Variants in PKD1L3 observed in about 807,000 individuals in gnomAD.
PKD1L3 encodes the protein polycystin 1 like 3, transient receptor potential channel interacting.
PKD1L3 carries 239 observed loss-of-function variants against 184.1 expected under a neutral mutation model. The ratio of observed to expected loss-of-function variants is 1.30; its 90% confidence interval spans 1.17 to 1.45. The LOEUF (loss-of-function observed/expected upper bound fraction) is 1.45, where lower values mean the gene tolerates loss of function less well. Among genes scored for constraint, PKD1L3 ranks in the 40% most tolerant of loss-of-function variants. The probability of loss-of-function intolerance (pLI) is 0.00; values close to 1 mark genes in which losing one functional copy is unlikely to be tolerated. For missense variants in PKD1L3, 2,660 were observed against 2,067.2 expected (o/e 1.29, Z -5.56); for synonymous variants, 996 against 778.8 (o/e 1.28, Z -4.64).
In PKD1L3 at chr16:71,955,196, G is replaced by C. The variant is rs181079289; in HGVS notation, c.2613-895C>G. Among the ~76,000 whole-genome samples the C allele has an allele frequency of 4.3e-4, 66 of 152,196 alleles. No individual in the cohort carries two copies. The East Asian group carries it at 5.6e-3, about 13-fold the overall frequency. On this transcript the variant is annotated intron_variant, in intron 16 of 29. Transcript: ENST00000620267. ...CCAGTTCTAGACTGGAGATGTGAAGGGTTGGAATGAAAACAGTAGCAAAAC... is the reference window on the plus strand; with the variant it reads ...CCAGTTCTAGACTGGAGATGTGAAGCGTTGGAATGAAAACAGTAGCAAAAC...
intron 1 of PKD1L3, among the ~76,000 whole-genome samples, chr16:71,999,435 T>G (rs1398744501): frequency 6.6e-6 from 1 of 152,168 alleles, no homozygotes; most frequent in Non-Finnish European, 1.5e-5. Flanking sequence ...GTAGCATAAT[T>G]CTTTTAGTGA....
chr16:71,999,613 C>CT (rs58914191), intron 1 of PKD1L3, 71 bp downstream of exon 1: 62,178 of 1,150,464 alleles, frequency 0.054, 528 homozygotes, highest in East Asian at 0.06. Context: ...TTAAGATTTT[C>CT]TTTTTTTTTT....
chr16:71,946,950 T>C (rs1463320758), intron 22 of PKD1L3, among the ~76,000 whole-genome samples: 1 of 97,334 alleles, frequency 1.0e-5, no homozygotes, highest in Non-Finnish European at 2.1e-5. Context: ...GAGAGAGAGA[T>C]GAAAAAGATC....
chr16:71,934,024 C>T lies in PKD1L3; in HGVS notation c.4715G>A (p.Arg1572His), dbSNP rs17358402. 373,851 of 1,551,614 alleles carry T rather than the reference C, an allele frequency of 0.24. 48,053 individuals carry two copies. Among genetic ancestry groups the T allele is most frequent in the Middle Eastern group, 0.29 (1,734 of 5,996 alleles). Residue 1572 changes from arginine to histidine, a missense_variant, in exon 27 of 30, where the codon CGT (arginine) becomes CAT (histidine). By Grantham distance (29) the Arg-to-His change is conservative. Coordinates refer to ENST00000620267, the MANE Select transcript of PKD1L3 (RefSeq NM_181536.2). ...GATGACCCGCAGCCTGGGGCTATGACGCAGCAGGTTCCATAACTGAACAGT... is the reference window on the plus strand; with the variant it reads ...GATGACCCGCAGCCTGGGGCTATGATGCAGCAGGTTCCATAACTGAACAGT... ...LATVQLWNLL[R>H]HSPRLRVISR... is the part of the protein sequence containing the mutation.
At position 71,952,888 on chromosome 16, in the gene PKD1L3, T is replaced by C; in HGVS notation, c.3009+6A>G. 1 of 1,535,770 alleles carries C rather than the reference T, an allele frequency of 6.5e-7. No homozygotes were observed. The highest frequency in any genetic ancestry group is 8.8e-7 in the Non-Finnish European group (1 of 1,142,032). ...AAGATAAAATAAAATTTGATACCAA[T>C]CTTACCTCAACTACCATTGTGGCAG... On this transcript the variant is annotated splice_donor_region_variant and intron_variant, in intron 18 of 29. Coordinates refer to ENST00000620267, the MANE Select transcript of PKD1L3 (RefSeq NM_181536.2).
rs572528178 is a variant in PKD1L3 at position 71,951,021 on chromosome 16, G to A, written c.3190+543C>T. ...GCCTCCCAAAATGCTGGGATTACAG[G>A]CGTGAGCCACCCTGCCCGACCTGTG... On this transcript the variant is annotated intron_variant, in intron 19 of 29. Transcript: ENST00000620267. Among the ~76,000 whole-genome samples, 8 of 151,972 alleles carry A rather than the reference G, an allele frequency of 5.3e-5. No individual in the cohort carries two copies. In the South Asian group the frequency reaches 1.7e-3, roughly 32 times the overall value.
intron 22 of PKD1L3, 120 bp from the exon 23 acceptor site, chr16:71,944,290 C>G: frequency 1.1e-6 from 1 of 951,062 alleles, no homozygotes; most frequent in Non-Finnish European, 1.6e-6. Flanking sequence ...AATAAAACTA[C>G]CTATGCAGTG....
intron 2 of PKD1L3, among the ~76,000 whole-genome samples, chr16:71,997,512 G>A (rs1376509577): frequency 6.6e-6 from 1 of 152,120 alleles, no homozygotes; most frequent in Non-Finnish European, 1.5e-5. Flanking sequence ...ACTTTGGGAG[G>A]CCAAGGCAGG....
rs2040903550 is a variant in PKD1L3 at position 71,999,682 on chromosome 16, A to G, written c.295+2T>C. ...CATAAACACTGAACCCCAGGGTCTT[A>G]CCTGGGTATTTGTTGTCTTGATGCT... On this transcript the variant is annotated splice_donor_variant, in intron 1 of 29. Coordinates refer to ENST00000620267, the MANE Select transcript of PKD1L3 (RefSeq NM_181536.2). LOFTEE classifies it high-confidence loss of function. 1 of 1,540,130 alleles carries G rather than the reference A, an allele frequency of 6.5e-7. No homozygotes were observed. Among genetic ancestry groups the G allele is most frequent in the African/African-American group, 1.4e-5 (1 of 72,736 alleles).
intron 15 of PKD1L3, among the ~76,000 whole-genome samples, chr16:71,965,897 G>C (rs540484123): frequency 3.3e-5 from 5 of 152,262 alleles, no homozygotes; most frequent in Admixed American, 3.3e-4. Context: ...TGGATGGCTA[G>C]TGCTGTCATT....
chr16:71,948,388 T>G (rs1471518980), intron 21 of PKD1L3, among the ~76,000 whole-genome samples: 2 of 152,106 alleles, frequency 1.3e-5, no homozygotes, highest in African/African-American at 2.4e-5. Flanking sequence ...TGGCCTGGGA[T>G]TTTTGTATTC....
At chr16:71,941,263 T>C (rs1438104894) in intron 24 of PKD1L3, among the ~76,000 whole-genome samples, 5 of 151,126 alleles carry the variant, frequency 3.3e-5, no homozygotes, top group Admixed American at 2.0e-4. Context: ...CACCATAATA[T>C]CCTCAGAGTT....
In PKD1L3 at chr16:71,983,657, CTCTT is replaced by C. The variant is rs1194087480; in HGVS notation, c.966+375_966+378del. Reference sequence around the variant, plus strand: ...TGGCATAAGGCACAATCTCCAGATTCTCTTTCTTTTTTTTTTTTTTTTTTTTTTG... The same window carrying C: ...TGGCATAAGGCACAATCTCCAGATTCTCTTTTTTTTTTTTTTTTTTTTTTG... On this transcript the variant is annotated intron_variant, in intron 6 of 29. Transcript: ENST00000620267. 2.8e-3 allele frequency among the ~76,000 whole-genome samples: 146 copies of C among 53,084 alleles called. 4 individuals are homozygous for C. The highest frequency in any genetic ancestry group is 3.3e-3 in the African/African-American group (41 of 12,514). 34.8% of individuals were successfully genotyped at this position (53,084 alleles called of 152,430 possible). A position where few individuals can be genotyped will look rare whatever the true frequency, so the allele number is the denominator to read the frequency against.
At chr16:71,992,742 C>G (rs2040638517) in intron 3 of PKD1L3, among the ~76,000 whole-genome samples, 1 of 152,148 alleles carries the variant, frequency 6.6e-6, no homozygotes. Context: ...GCTGTGAGGT[C>G]ATACCCCGAA....
At chr16:71,965,975 T>A (rs866223441) in intron 15 of PKD1L3, among the ~76,000 whole-genome samples, 8 of 152,094 alleles carry the variant, frequency 5.3e-5, no homozygotes, top group Middle Eastern at 6.8e-3. Flanking sequence ...TTCACTTTTT[T>A]AAATAAAACT....
At chr16:71,943,925 A>C in intron 23 of PKD1L3, 105 bp downstream of exon 23, 1 of 1,327,542 alleles carries the variant, frequency 7.5e-7, no homozygotes, top group Non-Finnish European at 1.0e-6. Flanking sequence ...AGATTTTAAA[A>C]GACAGCTTTT....
intron 16 of PKD1L3, among the ~76,000 whole-genome samples, chr16:71,962,812 G>C (rs960064615): frequency 4.6e-5 from 7 of 152,092 alleles, no homozygotes; most frequent in African/African-American, 1.4e-4. Context: ...TCAGTTGAAG[G>C]CTACAGCCCT....
chr16:71,984,382 A>C (rs565123608), intron 5 of PKD1L3, among the ~76,000 whole-genome samples: 2 of 152,218 alleles, frequency 1.3e-5, no homozygotes, highest in African/African-American at 4.8e-5. Context: ...GAATAACGAG[A>C]TTATATAATG....
At chr16:71,930,020 A>C (rs1567480676) in intron 29 of PKD1L3, 32 bp downstream of exon 29, 1 of 1,536,026 alleles carries the variant, frequency 6.5e-7, no homozygotes, top group South Asian at 1.2e-5. Context: ...CAGTGATATA[A>C]CAGCATGCTA....
Sources: allele counts gnomAD v4.1 joint callset (sites outside exome capture counted in the v4.1 genomes callset), GRCh38; gene constraint gnomAD v4.1.1; transcripts MANE v1.5; gene names NCBI Gene and HGNC (gene_info 2026-07-23, HGNC 2026-07-21).